PCNT: variants seen among roughly 807,000 people sequenced by gnomAD.
PCNT encodes pericentrin.
A neutral mutation model predicts 380.4 loss-of-function variants in PCNT; 319 were observed. That is an observed-to-expected ratio of 0.84 (90% confidence interval 0.77 to 0.92). PCNT has a LOEUF of 0.92. Among genes scored for constraint, PCNT ranks in the 40% least tolerant of loss-of-function variants. The pLI, the probability that PCNT is intolerant of heterozygous loss-of-function variation, is 0.00. For synonymous variants in PCNT, 1,845 were observed against 1,735.2 expected, an observed-to-expected ratio of 1.06 and a Z score of -1.57; for missense variants, 4,400 against 4,255.3, an observed-to-expected ratio of 1.03 and a Z score of -0.95.
At chr21:46,396,383 C>T (rs1198602533) in intron 21 of PCNT, among the ~76,000 whole-genome samples, 6 of 152,202 alleles carry the variant, frequency 3.9e-5, no homozygotes, top group Non-Finnish European at 5.9e-5. Context: ...CTGTATCCTC[C>T]GGAGTGGAGG....
chr21:46,326,905 C>T (rs967874730), intron 2 of PCNT, among the ~76,000 whole-genome samples: 1 of 150,810 alleles, frequency 6.6e-6, no homozygotes, highest in Non-Finnish European at 1.5e-5. Flanking sequence ...CCCAGCTACT[C>T]GGGAGGTTGA....
intron 27 of PCNT, among the ~76,000 whole-genome samples, chr21:46,402,738 C>T (rs1488672008): frequency 6.6e-6 from 1 of 152,166 alleles, no homozygotes; most frequent in South Asian, 2.1e-4. Context: ...TGATAGGGAT[C>T]TGAGGAGAGG....
chr21:46,390,518 G>T, intron 19 of PCNT, 152 bp from the exon 20 acceptor site: 1 of 785,410 alleles, frequency 1.3e-6, no homozygotes, highest in East Asian at 2.5e-5. Context: ...GAGGGTGGCT[G>T]AGATGTGCTC....
chr21:46,326,947 A>G (rs2083413322), intron 2 of PCNT, among the ~76,000 whole-genome samples: 1 of 151,264 alleles, frequency 6.6e-6, no homozygotes, highest in South Asian at 2.1e-4. Flanking sequence ...TGTGAGGCAG[A>G]GGTTGCATTG....
intron 2 of PCNT, among the ~76,000 whole-genome samples, chr21:46,333,503 A>G (rs1194927702): frequency 6.6e-6 from 1 of 151,896 alleles, no homozygotes; most frequent in East Asian, 1.9e-4. Context: ...GCTACTCGGG[A>G]GGCTGAGGCA....
chr21:46,390,915 A>G, intron 20 of PCNT, 83 bp downstream of exon 20: 1 of 1,467,502 alleles, frequency 6.8e-7, no homozygotes, highest in Admixed American at 2.0e-5. Context: ...AAGCCTTCAG[A>G]ATAGGGTTTT....
chr21:46,436,935 C>A, intron 39 of PCNT, 44 bp from the exon 40 acceptor site: 1 of 1,387,356 alleles, frequency 7.2e-7, no homozygotes, highest in Non-Finnish European at 1.0e-6. Flanking sequence ...ATAATGGTCA[C>A]TTGGGGCGCG....
intron 24 of PCNT, among the ~76,000 whole-genome samples, chr21:46,398,605 C>T (rs1393298075): frequency 6.6e-6 from 1 of 152,198 alleles, no homozygotes; most frequent in African/African-American, 2.4e-5. Flanking sequence ...TACTGGGTCA[C>T]GGCCATGCCG....
intron 15 of PCNT, among the ~76,000 whole-genome samples, chr21:46,381,091 C>A (rs1458397813): frequency 6.6e-6 from 1 of 151,132 alleles, no homozygotes; most frequent in Non-Finnish European, 1.5e-5. Flanking sequence ...GCAAGAGAAT[C>A]CCGTGAACCT....
Position 46,430,850 on chromosome 21 carries a change from G to A in PCNT, c.8064+193G>A, listed in dbSNP as rs527800236. 2.8e-5 allele frequency: 28 copies of A among 985,478 alleles called. No homozygotes were observed. In the East Asian group the frequency reaches 5.7e-4, roughly 20 times the overall value. 61.0% of individuals were successfully genotyped at this position (985,478 alleles called of 1,614,324 possible). A position where few individuals can be genotyped will look rare whatever the true frequency, so the allele number is the denominator to read the frequency against. ...GGTGTAGTGGCAGCCACCACAGGGC[G>A]AAGAGTGCGATGACCCGTGGTGGCA... On this transcript the variant is annotated intron_variant, in intron 37 of 46. Coordinates refer to ENST00000359568, the MANE Select transcript of PCNT (RefSeq NM_006031.6).
intron 43 of PCNT, 124 bp downstream of exon 43, chr21:46,441,208 TGGCATTTGA>T (rs1218096743): frequency 2.8e-6 from 2 of 721,416 alleles, no homozygotes; most frequent in Non-Finnish European, 5.0e-6. Context: ...TAAAGATGAA[TGGCATTTGA>T]GGCCTTAGAG....
intron 16 of PCNT, among the ~76,000 whole-genome samples, chr21:46,383,939 C>T (rs1487929457): frequency 3.4e-5 from 5 of 146,306 alleles, no homozygotes; most frequent in Non-Finnish European, 7.5e-5. Flanking sequence ...GTGGCAGAAG[C>T]GCATTCACAG....
At chr21:46,358,673 G>A (rs1010904625) in intron 13 of PCNT, among the ~76,000 whole-genome samples, 1 of 150,678 alleles carries the variant, frequency 6.6e-6, no homozygotes, top group Non-Finnish European at 1.5e-5. Context: ...CGCCCAGGCT[G>A]GAGCGTAGTG....
Position 46,389,415 on chromosome 21 carries a change from T to C in PCNT, c.3824T>C (p.Leu1275Pro). The part of the protein sequence containing the change: ...LAVDGLMEMA[L>P]DSSRQLEEAR... ...GTGGACGGCCTCATGGAGATGGCCC[T>C]GGACTCCAGCAGGCAGGTGAGGCCC... Residue 1275 changes from leucine to proline, a missense_variant, in exon 19 of 47, where the codon CTG becomes CCG. Coordinates refer to ENST00000359568, the MANE Select transcript of PCNT (RefSeq NM_006031.6). 1 of 1,613,910 alleles carries C rather than the reference T, an allele frequency of 6.2e-7. No individual in the cohort carries two copies.
In PCNT at chr21:46,414,395, C is replaced by T. The variant is rs548687871; in HGVS notation, c.6150+1403C>T. Among the ~76,000 whole-genome samples the T allele has an allele frequency of 1.4e-4, 21 of 152,020 alleles. No individual in the cohort carries two copies. In the East Asian group the frequency reaches 3.9e-3, roughly 28 times the overall value. Reference sequence around the variant, plus strand: ...AGCCACCCACCCTTCTCCTCCTTCTCCTCTGGGACACACATCTGTCCACCC... The same window carrying T: ...AGCCACCCACCCTTCTCCTCCTTCTTCTCTGGGACACACATCTGTCCACCC... On this transcript the variant is annotated intron_variant, in intron 29 of 46. Transcript: ENST00000359568.
chr21:46,398,820 CTTTTTT>C (rs11331073), intron 24 of PCNT, among the ~76,000 whole-genome samples: 1 of 114,558 alleles, frequency 8.7e-6, no homozygotes, highest in African/African-American at 3.2e-5. Flanking sequence ...TTTTCTTTTT[CTTTTTT>C]TTTTTTTTTT....
intron 9 of PCNT, 70 bp downstream of exon 9, chr21:46,351,610 C>G (rs2084275010): frequency 1.1e-6 from 1 of 933,276 alleles, no homozygotes; most frequent in Non-Finnish European, 1.8e-6. Flanking sequence ...GTTGTAACAC[C>G]AAGCCAGAAT....
rs761218984 is a variant in PCNT, at chr21:46,428,506, CAGG to C, written c.7609_7611del (p.Glu2537del). The C allele has an allele frequency of 3.1e-6, 5 of 1,611,978 alleles. No individual in the cohort carries two copies. The highest frequency in any genetic ancestry group is 2.7e-5 in the African/African-American group (2 of 74,942). On this transcript the variant is annotated inframe_deletion, in exon 35 of 47. Coordinates refer to ENST00000359568, the MANE Select transcript of PCNT (RefSeq NM_006031.6). ...GCTGCGCATGACGCACCTGCAGAAC[CAGG>C]AGAAGCTGCAGCACTTGCGCACGGC... is the stretch of plus-strand genomic sequence containing the variant.
chr21:46,347,412 A>G (rs1405599520), intron 5 of PCNT, 45 bp from the exon 6 acceptor site: 1 of 1,600,476 alleles, frequency 6.2e-7, no homozygotes, highest in East Asian at 2.3e-5. Flanking sequence ...GTCACTGAAA[A>G]GGTTGAGATG....
Sources: allele counts gnomAD v4.1 joint callset (sites outside exome capture counted in the v4.1 genomes callset), GRCh38; gene constraint gnomAD v4.1.1; transcripts MANE v1.5; gene names NCBI Gene and HGNC (gene_info 2026-07-23, HGNC 2026-07-21).